SRSF7: variants seen among roughly 807,000 people sequenced by gnomAD.
SRSF7 encodes serine and arginine rich splicing factor 7.
Under a neutral mutation model 42.2 loss-of-function variants are expected in SRSF7, and 15 were observed. The observed-to-expected ratio is 0.36, with a 90% CI of 0.24 to 0.55. The LOEUF (loss-of-function observed/expected upper bound fraction) is 0.55, where lower values mean the gene tolerates loss of function less well. SRSF7 is among the 20% of genes least tolerant of loss of function. The probability of loss-of-function intolerance (pLI) is 0.88; values close to 1 mark genes in which losing one functional copy is unlikely to be tolerated. For synonymous variants in SRSF7, 138 were observed against 107.9 expected, an observed-to-expected ratio of 1.28 and a Z score of -1.73; for missense variants, 181 against 305.9, an observed-to-expected ratio of 0.59 and a Z score of 3.04.
chr2:38,747,422 C>T (rs56954221), intron 5 of SRSF7, among the ~76,000 whole-genome samples: 1,649 of 152,298 alleles, frequency 0.011, 28 homozygotes, highest in African/African-American at 0.038. Flanking sequence ...TTCCGTACCA[C>T]GGTTTTATCG....
chr2:38,745,073 C>T lies in SRSF7; in HGVS notation c.*60G>A. The stretch of plus-strand genomic sequence containing the variant: ...CCTAGGTTACACTTTACAGACATCA[C>T]AAATCCCTTATAATAATGTAAACAA... On this transcript the variant is annotated 3_prime_UTR_variant, in exon 8 of 8. Coordinates refer to ENST00000313117, the MANE Select transcript of SRSF7 (RefSeq NM_001031684.3). 2 of 1,556,532 alleles carry T rather than the reference C, an allele frequency of 1.3e-6. No individual in the cohort carries two copies. Among genetic ancestry groups the T allele is most frequent in the Non-Finnish European group, 8.8e-7 (1 of 1,130,326 alleles).
chr2:38,750,557 G>C (rs1253151600), intron 1 of SRSF7, among the ~76,000 whole-genome samples: 1 of 151,740 alleles, frequency 6.6e-6, no homozygotes, highest in Non-Finnish European at 1.5e-5. Flanking sequence ...GTCGGCGGCG[G>C]GAGGGCCTCG....
chr2:38,746,092 T>C (rs1329304780), intron 7 of SRSF7, 52 bp downstream of exon 7: 1 of 1,603,910 alleles, frequency 6.2e-7, no homozygotes, highest in African/African-American at 1.3e-5. Flanking sequence ...AAACAAATTC[T>C]GCAGAGGCCA....
intron 5 of SRSF7, 147 bp from the exon 6 acceptor site, chr2:38,746,894 T>C: frequency 7.4e-7 from 1 of 1,352,988 alleles, no homozygotes; most frequent in Non-Finnish European, 1.0e-6. Context: ...TAACACACTG[T>C]CAAACAAAGT....
chr2:38,751,355 G>C lies in SRSF7; in HGVS notation c.-99C>G. On this transcript the variant is annotated 5_prime_UTR_variant, in exon 1 of 8. Coordinates refer to ENST00000313117, the MANE Select transcript of SRSF7 (RefSeq NM_001031684.3). ...CCTTCACCCGCCAAGAGTCCCGGCG[G>C]CACTACGAGGAAGAGCCCGGGTTCG... The C allele has an allele frequency of 6.4e-7, 1 of 1,551,852 alleles. No individual in the cohort carries two copies. The highest frequency in any genetic ancestry group is 8.9e-7 in the Non-Finnish European group (1 of 1,128,876).
At chr2:38,747,979 CCTT>C in intron 5 of SRSF7, 65 bp downstream of exon 5, 1 of 1,168,742 alleles carries the variant, frequency 8.6e-7, no homozygotes, top group Non-Finnish European at 1.2e-6. Flanking sequence ...TGAATTATGT[CCTT>C]AAGACACTCT....
chr2:38,748,683 T>C, intron 3 of SRSF7, 30 bp from the exon 4 acceptor site: 130 of 1,603,766 alleles, frequency 8.1e-5, no homozygotes, highest in Middle Eastern at 3.3e-4. Context: ...AAAAACAAAA[T>C]GTCAGACAAT....
Position 38,744,111 on chromosome 2 carries a change from C to T in SRSF7, c.*1022G>A. On this transcript the variant is annotated 3_prime_UTR_variant, in exon 8 of 8. Transcript: ENST00000313117. ...TAAATATAGCTGAGATTTACAAAAC[C>T]ACTTTAGTCTCATTGACATTTCTGA... 6.6e-6 allele frequency: 1 copy of T among 152,458 alleles called. No homozygotes were observed. Among genetic ancestry groups the T allele is most frequent in the Non-Finnish European group, 1.5e-5 (1 of 68,012 alleles). 9.4% of individuals were successfully genotyped at this position (152,458 alleles called of 1,614,324 possible).
At position 38,744,163 on chromosome 2, in the gene SRSF7, G is replaced by C; in HGVS notation, c.*970C>G. The C allele has an allele frequency of 6.5e-6, 1 of 152,682 alleles. No homozygotes were observed. The highest frequency in any genetic ancestry group is 2.1e-4 in the South Asian group (1 of 4,818). 9.5% of individuals were successfully genotyped at this position (152,682 alleles called of 1,614,324 possible). On this transcript the variant is annotated 3_prime_UTR_variant, in exon 8 of 8. Transcript: ENST00000313117. ...TGACATCTTTAATTACTTTGCACCA[G>C]CCTGGCAAAATAGAAGAATGTTGTG...
Position 38,748,794 on chromosome 2 carries a change from TTGAG to T in SRSF7, c.387-145_387-142del. 5.3e-3 allele frequency: 6,399 copies of T among 1,205,484 alleles called. 30 individuals carry two copies. The highest frequency in any genetic ancestry group is 0.015 in the Middle Eastern group (63 of 4,162). 74.7% of individuals were successfully genotyped at this position (1,205,484 alleles called of 1,614,324 possible). A position where few individuals can be genotyped will look rare whatever the true frequency, so the allele number is the denominator to read the frequency against. On this transcript the variant is annotated intron_variant, in intron 3 of 7. Transcript: ENST00000313117. Reference sequence around the variant, plus strand: ...AAATAAACTCTGGGCCTATTAGTTGTTGAGTATTTTTTTTTTTACTACCTAAAAA... The same window carrying T: ...AAATAAACTCTGGGCCTATTAGTTGTTATTTTTTTTTTTACTACCTAAAAA...
chr2:38,751,326 CACACCTTCACCCGCCA>C lies in SRSF7; in HGVS notation c.-86_-71del. 6.2e-7 allele frequency: 1 copy of C among 1,605,836 alleles called. No individual in the cohort carries two copies. On this transcript the variant is annotated 5_prime_UTR_variant, in exon 1 of 8. Transcript: ENST00000313117. ...GGCTCGAGTGACGCAAAAGCTGACACACACCTTCACCCGCCAAGAGTCCCGGCGGCACTACGAGGAA... is the reference window on the plus strand; with the variant it reads ...GGCTCGAGTGACGCAAAAGCTGACACAGAGTCCCGGCGGCACTACGAGGAA...
chr2:38,749,386 A>G lies in SRSF7; in HGVS notation c.386+143T>C. Reference sequence around the variant, plus strand: ...CCAGGTTGATTATTAATATAGTAACATTTTTTTAATTAAACAAAAATTGTA... The same window carrying G: ...CCAGGTTGATTATTAATATAGTAACGTTTTTTTAATTAAACAAAAATTGTA... On this transcript the variant is annotated intron_variant, in intron 3 of 7. Coordinates refer to ENST00000313117, the MANE Select transcript of SRSF7 (RefSeq NM_001031684.3). 4 of 1,542,684 alleles carry G rather than the reference A, an allele frequency of 2.6e-6. 1 individual carries two copies. The highest frequency in any genetic ancestry group is 2.4e-5 in the South Asian group (2 of 82,166).
At chr2:38,746,814 C>G (rs1418874439) in intron 5 of SRSF7, 67 bp from the exon 6 acceptor site, 2 of 1,602,328 alleles carry the variant, frequency 1.2e-6, no homozygotes, top group Non-Finnish European at 1.7e-6. Flanking sequence ...AACTACTCAA[C>G]ACTGTATTAG....
intron 5 of SRSF7, 100 bp from the exon 6 acceptor site, chr2:38,746,847 A>C (rs1038594430): frequency 1.3e-6 from 2 of 1,553,320 alleles, no homozygotes; most frequent in Admixed American, 4.0e-5. Flanking sequence ...TAAAGAAGCT[A>C]AAACTAAACA....
At chr2:38,747,770 A>C (rs1177140967) in intron 5 of SRSF7, among the ~76,000 whole-genome samples, 4 of 152,210 alleles carry the variant, frequency 2.6e-5, no homozygotes, top group African/African-American at 9.7e-5. Context: ...GAAGCCAGAA[A>C]AGTTTATAGC....
chr2:38,751,308 G>GTGACGCAAAAGC lies in SRSF7; in HGVS notation c.-64_-53dup. 1 of 1,613,488 alleles carries GTGACGCAAAAGC rather than the reference G, an allele frequency of 6.2e-7. No individual in the cohort carries two copies. Among genetic ancestry groups the GTGACGCAAAAGC allele is most frequent in the Non-Finnish European group, 8.5e-7 (1 of 1,179,720 alleles). On this transcript the variant is annotated 5_prime_UTR_variant, in exon 1 of 8. Coordinates refer to ENST00000313117, the MANE Select transcript of SRSF7 (RefSeq NM_001031684.3). Reference sequence around the variant, plus strand: ...TTAGCAAGCAGCGCCCAGGGCTCGAGTGACGCAAAAGCTGACACACACCTT... The same window carrying GTGACGCAAAAGC: ...TTAGCAAGCAGCGCCCAGGGCTCGAGTGACGCAAAAGCTGACGCAAAAGCTGACACACACCTT...
In SRSF7 at chr2:38,751,316, A is replaced by G; in HGVS notation, c.-60T>C. 1 of 1,612,002 alleles carries G rather than the reference A, an allele frequency of 6.2e-7. No individual in the cohort carries two copies. The highest frequency in any genetic ancestry group is 8.5e-7 in the Non-Finnish European group (1 of 1,178,736). On this transcript the variant is annotated 5_prime_UTR_variant, in exon 1 of 8. Transcript: ENST00000313117. ...CAGCGCCCAGGGCTCGAGTGACGCA[A>G]AAGCTGACACACACCTTCACCCGCC...
chr2:38,751,008 C>G, intron 1 of SRSF7: 1 of 568,990 alleles, frequency 1.8e-6, no homozygotes, highest in Non-Finnish European at 3.2e-6. Context: ...TGGATTGGGC[C>G]ACAAAAATGC....
At chr2:38,749,848 A>C (rs1270481536) in intron 2 of SRSF7, 143 bp from the exon 3 acceptor site, 1 of 1,245,946 alleles carries the variant, frequency 8.0e-7, no homozygotes, top group Non-Finnish European at 1.1e-6. Context: ...CCAAGCCCTA[A>C]CTCCATCTCC....
Sources: allele counts gnomAD v4.1 joint callset (sites outside exome capture counted in the v4.1 genomes callset), GRCh38; gene constraint gnomAD v4.1.1; transcripts MANE v1.5; gene names NCBI Gene and HGNC (gene_info 2026-07-23, HGNC 2026-07-21).